CCDC102B: variants seen among roughly 807,000 people sequenced by gnomAD.
CCDC102B encodes the protein coiled-coil domain-containing protein 102B.
In CCDC102B, 75 loss-of-function variants were observed where a neutral mutation model predicts 57.4. That is an observed-to-expected ratio of 1.31 (90% CI 1.08 to 1.58). The LOEUF (loss-of-function observed/expected upper bound fraction) is 1.58, where lower values mean the gene tolerates loss of function less well. Ranked by LOEUF, CCDC102B falls within the 40% of genes most tolerant of loss-of-function variation. The pLI, the probability that CCDC102B is intolerant of heterozygous loss-of-function variation, is 0.00. For missense variants in CCDC102B, 636 were observed against 582.6 expected (o/e 1.09, Z -0.94); for synonymous variants, 206 against 201.9 (o/e 1.02, Z -0.17).
At chr18:68,824,091 C>T (rs2036808873) in intron 1 of CCDC102B, among the ~76,000 whole-genome samples, 2 of 151,976 alleles carry the variant, frequency 1.3e-5, no homozygotes, top group African/African-American at 4.8e-5. Flanking sequence ...TTTTCTTTTG[C>T]AATTGCTTTG....
At chr18:68,826,537 A>G (rs1446923145) in intron 1 of CCDC102B, among the ~76,000 whole-genome samples, 1 of 152,180 alleles carries the variant, frequency 6.6e-6, no homozygotes. Context: ...TATACGTTAG[A>G]AGCAGGTCAC....
At chr18:68,874,837 G>C (rs757283705) in intron 5 of CCDC102B, 52 bp downstream of exon 5, 1 of 1,121,910 alleles carries the variant, frequency 8.9e-7, no homozygotes, top group Non-Finnish European at 1.3e-6. Context: ...ACTGACTGTT[G>C]TTAAATGCCA....
intron 2 of CCDC102B, among the ~76,000 whole-genome samples, chr18:68,747,888 G>C (rs1351084277): frequency 2.6e-5 from 4 of 152,032 alleles, no homozygotes; most frequent in African/African-American, 9.7e-5. Context: ...CCCAGCAATG[G>C]GATTGCTGAA....
intron 2 of CCDC102B, among the ~76,000 whole-genome samples, chr18:68,752,352 A>C (rs189162960): frequency 6.6e-6 from 1 of 152,312 alleles, no homozygotes; most frequent in African/African-American, 2.4e-5. Context: ...GGAGAAAGTT[A>C]AATGTTAGAG....
chr18:68,923,257 C>T (rs927007678), intron 6 of CCDC102B, among the ~76,000 whole-genome samples: 42 of 151,252 alleles, frequency 2.8e-4, no homozygotes, highest in Middle Eastern at 3.4e-3. Flanking sequence ...TTTCCAGGCA[C>T]AAATATAGGT....
intron 6 of CCDC102B, among the ~76,000 whole-genome samples, chr18:68,922,701 C>A (rs1269681047): frequency 6.6e-6 from 1 of 152,022 alleles, no homozygotes; most frequent in Non-Finnish European, 1.5e-5. Flanking sequence ...TTCTTCTCTC[C>A]CAGGTTGCTA....
intron 2 of CCDC102B, among the ~76,000 whole-genome samples, chr18:68,751,102 G>A (rs1199055246): frequency 6.6e-6 from 1 of 151,962 alleles, no homozygotes; most frequent in Non-Finnish European, 1.5e-5. Flanking sequence ...AAATAAAAAA[G>A]AGAAAGATAT....
chr18:68,945,113 T>A (rs1235313963), intron 6 of CCDC102B, among the ~76,000 whole-genome samples: 6 of 70,338 alleles, frequency 8.5e-5, no homozygotes, highest in African/African-American at 1.4e-4. Context: ...TCTCTCTGTC[T>A]CTCTCTCTCC....
chr18:69,003,791 A>C (rs909009864), intron 6 of CCDC102B, among the ~76,000 whole-genome samples: 6 of 152,166 alleles, frequency 3.9e-5, no homozygotes, highest in Admixed American at 3.9e-4. Context: ...AATAAGATAA[A>C]ATTTGTTGAT....
At chr18:68,958,912 A>G (rs75330670) in intron 6 of CCDC102B, among the ~76,000 whole-genome samples, 3,744 of 152,030 alleles carry the variant, frequency 0.025, 118 homozygotes, top group East Asian at 0.15. Flanking sequence ...TCTCTGTGTT[A>G]TATTTTATTT....
At chr18:68,869,789 C>CT (rs1358024155) in intron 4 of CCDC102B, among the ~76,000 whole-genome samples, 1 of 152,040 alleles carries the variant, frequency 6.6e-6, no homozygotes, top group Non-Finnish European at 1.5e-5. Context: ...TTCATGAAGT[C>CT]TTTTCCCATG....
At chr18:68,759,173 A>G (rs2034166155) in intron 2 of CCDC102B, among the ~76,000 whole-genome samples, 1 of 152,012 alleles carries the variant, frequency 6.6e-6, no homozygotes, top group South Asian at 2.1e-4. Flanking sequence ...AGAAAGAAAA[A>G]GTTATGTAAA....
intron 6 of CCDC102B, among the ~76,000 whole-genome samples, chr18:68,901,052 A>G (rs1288177600): frequency 6.6e-6 from 1 of 152,200 alleles, no homozygotes; most frequent in Non-Finnish European, 1.5e-5. Flanking sequence ...TAATGATATC[A>G]ACATTGCAGG....
intron 1 of CCDC102B, among the ~76,000 whole-genome samples, chr18:68,812,473 A>G (rs1284992601): frequency 6.6e-6 from 1 of 152,180 alleles, no homozygotes; most frequent in Non-Finnish European, 1.5e-5. Flanking sequence ...AACAACTTTC[A>G]TGTCGTGGTT....
At chr18:68,821,151 C>T (rs1300321558) in intron 1 of CCDC102B, among the ~76,000 whole-genome samples, 1 of 151,996 alleles carries the variant, frequency 6.6e-6, no homozygotes, top group African/African-American at 2.4e-5. Flanking sequence ...ATGTCCTTCA[C>T]ACTACACAAA....
At chr18:68,968,300 G>T (rs547034344) in intron 6 of CCDC102B, among the ~76,000 whole-genome samples, 69 of 152,212 alleles carry the variant, frequency 4.5e-4, no homozygotes, top group Non-Finnish European at 6.6e-4. Flanking sequence ...CCATTCAGTT[G>T]TAGGCAATAC....
chr18:68,757,449 A>G (rs553789476), intron 2 of CCDC102B, among the ~76,000 whole-genome samples: 1 of 152,316 alleles, frequency 6.6e-6, no homozygotes, highest in Non-Finnish European at 1.5e-5. Context: ...AAGGAGGAAT[A>G]ATTTTATTGG....
At chr18:68,911,354 T>A (rs2145071663) in intron 6 of CCDC102B, among the ~76,000 whole-genome samples, 1 of 152,280 alleles carries the variant, frequency 6.6e-6, no homozygotes, top group East Asian at 1.9e-4. Flanking sequence ...AAATAAAGCA[T>A]GTTCTCACTT....
chr18:68,742,859 G>C (rs1037180718), intron 2 of CCDC102B, among the ~76,000 whole-genome samples: 1 of 152,178 alleles, frequency 6.6e-6, no homozygotes, highest in Non-Finnish European at 1.5e-5. Flanking sequence ...AAGAGGCACT[G>C]TAATTAAGGT....
Sources: gnomAD v4.1 joint callset for allele counts (sites outside exome capture counted in the v4.1 genomes callset) on GRCh38, gnomAD v4.1.1 for gene constraint, MANE v1.5 for transcripts, NCBI Gene and HGNC (gene_info 2026-07-23, HGNC 2026-07-21) for gene names.